The following HIGD1A variants were observed in gnomAD, a reference collection of about 807,000 sequenced individuals.
HIGD1A encodes the protein HIG1 domain family member 1A, mitochondrial.
HIGD1A carries 8 observed loss-of-function variants against 11.3 expected under a neutral mutation model. The observed-to-expected ratio is 0.71, with a 90% CI of 0.42 to 1.28. The LOEUF (loss-of-function observed/expected upper bound fraction) is 1.28. Among genes scored for constraint, HIGD1A ranks in the 50% most tolerant of loss-of-function variants. The pLI is 0.01. For synonymous variants in HIGD1A, 32 were observed against 38.4 expected, an observed-to-expected ratio of 0.83 and a Z score of 0.62; for missense variants, 107 against 118.8, an observed-to-expected ratio of 0.90 and a Z score of 0.46.
In HIGD1A at chr3:42,783,171, A is replaced by T. The variant is rs1246469330; in HGVS notation, c.*2100T>A. Among the ~76,000 whole-genome samples the T allele has an allele frequency of 6.6e-6, 1 of 152,250 alleles. No individual in the cohort carries two copies. Among genetic ancestry groups the T allele is most frequent in the Non-Finnish European group, 1.5e-5 (1 of 68,040 alleles). On this transcript the variant is annotated 3_prime_UTR_variant, in exon 4 of 4. Coordinates refer to ENST00000321331, the MANE Select transcript of HIGD1A (RefSeq NM_014056.4). ...AATGTGAGGATGACAACAGAATGTA[A>T]ATATTATATGTCCTCACAAGGTAGG...
rs1700319355 is a variant in HIGD1A at position 42,784,167 on chromosome 3, AT to A, written c.*1103del. ...AATAAAACATACCATAAAGTAAAATATTTTTAAAATCGTTGAAACAGAAAGG... is the reference window on the plus strand; with the variant it reads ...AATAAAACATACCATAAAGTAAAATATTTTAAAATCGTTGAAACAGAAAGG... On this transcript the variant is annotated 3_prime_UTR_variant, in exon 4 of 4. Transcript: ENST00000321331. 6.6e-6 allele frequency: 1 copy of A among 152,152 alleles called. No individual in the cohort carries two copies. The highest frequency in any genetic ancestry group is 2.4e-5 in the African/African-American group (1 of 41,474). The allele number at this position is 152,152 out of a possible 1,614,324, so 9.4% of individuals were successfully genotyped here. A position where few individuals can be genotyped will look rare whatever the true frequency, so the allele number is the denominator to read the frequency against.
In HIGD1A at chr3:42,786,075, T is replaced by C. The variant is rs1575356805; in HGVS notation, c.185A>G (p.His62Arg). The C allele has an allele frequency of 1.2e-6, 2 of 1,613,448 alleles. No homozygotes were observed. The highest frequency in any genetic ancestry group is 1.7e-6 in the Non-Finnish European group (2 of 1,179,964). Reference sequence around the variant, plus strand: ...AAAGCCTTGGGCTGCCACACGCATGTGGATCAGATGAATGGACATTTTAGT... The same window carrying C: ...AAAGCCTTGGGCTGCCACACGCATGCGGATCAGATGAATGGACATTTTAGT... ...GNTKMSIHLI[H>R]MRVAAQGFVV... Residue 62 changes from histidine to arginine, a missense_variant, in exon 3 of 4, where the codon CAC becomes CGC. Coordinates refer to ENST00000321331, the MANE Select transcript of HIGD1A (RefSeq NM_014056.4).
chr3:42,800,120 G>C (rs1319269978), intron 1 of HIGD1A, among the ~76,000 whole-genome samples: 2 of 151,976 alleles, frequency 1.3e-5, no homozygotes, highest in African/African-American at 4.8e-5. Flanking sequence ...GAGGTCAGGA[G>C]TTCGAAACCA....
chr3:42,784,075 CAAAA>C lies in HIGD1A; in HGVS notation c.*1192_*1195del, dbSNP rs5848628. The stretch of plus-strand genomic sequence containing the variant: ...AAGATGACAGAGAATAACTCCGTCT[CAAAA>C]AAAAAAAAAAAAAATTTATATGGAT... On this transcript the variant is annotated 3_prime_UTR_variant, in exon 4 of 4. Transcript: ENST00000321331. Among the ~76,000 whole-genome samples, 2 of 100,146 alleles carry C rather than the reference CAAAA, an allele frequency of 2.0e-5. No individual in the cohort carries two copies. Among genetic ancestry groups the C allele is most frequent in the Admixed American group, 9.6e-5 (1 of 10,404 alleles). The allele number at this position is 100,146 out of a possible 152,430, so 65.7% of individuals were successfully genotyped here. A position where few individuals can be genotyped will look rare whatever the true frequency, so the allele number is the denominator to read the frequency against.
rs1028289096 is a variant in HIGD1A, at chr3:42,784,497, A to G, written c.*774T>C. The stretch of plus-strand genomic sequence containing the variant: ...CATTATAGGTAATTTGTTCAGTTCA[A>G]TGTTTACAATTCTTATGGAAAAAAT... On this transcript the variant is annotated 3_prime_UTR_variant, in exon 4 of 4. Transcript: ENST00000321331. The G allele has an allele frequency of 1.3e-5, 2 of 152,658 alleles. No individual in the cohort carries two copies. 9.5% of individuals were successfully genotyped at this position (152,658 alleles called of 1,614,324 possible).
intron 2 of HIGD1A, among the ~76,000 whole-genome samples, chr3:42,788,619 C>T (rs188298401): frequency 1.8e-4 from 28 of 152,186 alleles, no homozygotes; most frequent in Admixed American, 1.6e-3. Flanking sequence ...CAGTGGCTCA[C>T]ACCTGTAATC....
intron 2 of HIGD1A, among the ~76,000 whole-genome samples, chr3:42,787,612 TA>T (rs1249988633): frequency 7.2e-6 from 1 of 138,184 alleles, no homozygotes; most frequent in African/African-American, 2.7e-5. Flanking sequence ...TATATATATA[TA>T]TATATATAAA....
At chr3:42,803,500 C>A (rs1383319956) in intron 1 of HIGD1A, among the ~76,000 whole-genome samples, 1 of 152,214 alleles carries the variant, frequency 6.6e-6, no homozygotes, top group African/African-American at 2.4e-5. Context: ...GACTCTGGTG[C>A]ACAAAGAGAA....
chr3:42,804,419 C>T lies in HIGD1A; in HGVS notation c.-23+17G>A, dbSNP rs1700609804. The T allele has an allele frequency of 2.0e-6, 1 of 502,610 alleles. No individual in the cohort carries two copies. Among genetic ancestry groups the T allele is most frequent in the Non-Finnish European group, 3.5e-6 (1 of 283,800 alleles). The allele number at this position is 502,610 out of a possible 1,614,324, so 31.1% of individuals were successfully genotyped here. On this transcript the variant is annotated intron_variant, in intron 1 of 3. Coordinates refer to ENST00000321331, the MANE Select transcript of HIGD1A (RefSeq NM_014056.4). ...CCCGAGTCCCTGGCTCGCAGTCCCC[C>T]GGCTTGTTTCGCTTACCTAGAGCGA... is the stretch of plus-strand genomic sequence containing the variant.
intron 1 of HIGD1A, 48 bp downstream of exon 1, chr3:42,804,388 C>A (rs750369007): frequency 1.9e-6 from 1 of 536,548 alleles, no homozygotes; most frequent in Non-Finnish European, 3.3e-6. Context: ...TCTTCCCGCC[C>A]CGCGGCCCGA....
Position 42,804,476 on chromosome 3 carries a change from T to C in HIGD1A, c.-63A>G. 2.2e-6 allele frequency: 1 copy of C among 460,184 alleles called. No homozygotes were observed. Among genetic ancestry groups the C allele is most frequent in the Non-Finnish European group, 3.9e-6 (1 of 259,066 alleles). The allele number at this position is 460,184 out of a possible 1,614,324, so 28.5% of individuals were successfully genotyped here. A position where few individuals can be genotyped will look rare whatever the true frequency, so the allele number is the denominator to read the frequency against. On this transcript the variant is annotated 5_prime_UTR_variant, in exon 1 of 4. Transcript: ENST00000321331. ...CTCTCACACCCCAACCGGCTTCCGA[T>C]CCCTGCAGGCGCACCCAGTCCTCCC... is the stretch of plus-strand genomic sequence containing the variant.
At chr3:42,803,445 G>C (rs1700595055) in intron 1 of HIGD1A, among the ~76,000 whole-genome samples, 1 of 152,214 alleles carries the variant, frequency 6.6e-6, no homozygotes, top group African/African-American at 2.4e-5. Flanking sequence ...GGATTCAGGT[G>C]GTCTGGGGCA....
Position 42,785,041 on chromosome 3 carries a change from T to G in HIGD1A, c.*230A>C. Reference sequence around the variant, plus strand: ...CACCATCAAGTGCATTTAGGTGACATGTTTAAGTTAACTTGACTTCCTTGA... The same window carrying G: ...CACCATCAAGTGCATTTAGGTGACAGGTTTAAGTTAACTTGACTTCCTTGA... On this transcript the variant is annotated 3_prime_UTR_variant, in exon 4 of 4. Coordinates refer to ENST00000321331, the MANE Select transcript of HIGD1A (RefSeq NM_014056.4). 4.4e-6 allele frequency: 2 copies of G among 450,296 alleles called. No homozygotes were observed. The allele number at this position is 450,296 out of a possible 1,614,324, so 27.9% of individuals were successfully genotyped here. A position where few individuals can be genotyped will look rare whatever the true frequency, so the allele number is the denominator to read the frequency against.
At chr3:42,785,666 A>C (rs896424393) in intron 3 of HIGD1A, among the ~76,000 whole-genome samples, 2 of 152,214 alleles carry the variant, frequency 1.3e-5, no homozygotes, top group Non-Finnish European at 1.5e-5. Flanking sequence ...CCAATAGAAG[A>C]AGCATGTAAT....
intron 2 of HIGD1A, among the ~76,000 whole-genome samples, 160 bp from the exon 3 acceptor site, chr3:42,786,322 C>G (rs920515000): frequency 6.6e-6 from 1 of 152,026 alleles, no homozygotes; most frequent in African/African-American, 2.4e-5. Flanking sequence ...CCTATCAAAA[C>G]CAAAAATCTT....
intron 2 of HIGD1A, among the ~76,000 whole-genome samples, chr3:42,792,071 A>G (rs1472336124): frequency 6.6e-6 from 1 of 152,222 alleles, no homozygotes; most frequent in Non-Finnish European, 1.5e-5. Context: ...AGTTTATGGT[A>G]GTACACAGAG....
At chr3:42,798,470 C>T (rs1427193219) in intron 1 of HIGD1A, among the ~76,000 whole-genome samples, 1 of 1,282 alleles carries the variant, frequency 7.8e-4, no homozygotes, top group Non-Finnish European at 0.017. Context: ...CCAGCCGCCC[C>T]GTCCGGGAGG....
In HIGD1A at chr3:42,784,621, T is replaced by C. The variant is rs552932510; in HGVS notation, c.*650A>G. On this transcript the variant is annotated 3_prime_UTR_variant, in exon 4 of 4. Transcript: ENST00000321331. ...ATGACATTTAAAAATTATTCTAATA[T>C]ATCAGCAGCAAAAATATAATTTGCA... 3.3e-5 allele frequency: 5 copies of C among 152,738 alleles called. No individual in the cohort carries two copies. Among genetic ancestry groups the C allele is most frequent in the African/African-American group, 1.2e-4 (5 of 41,572 alleles). The allele number at this position is 152,738 out of a possible 1,614,324, so 9.5% of individuals were successfully genotyped here.
Position 42,785,101 on chromosome 3 carries a change from G to A in HIGD1A, c.*170C>T, listed in dbSNP as rs559786212. On this transcript the variant is annotated 3_prime_UTR_variant, in exon 4 of 4. Coordinates refer to ENST00000321331, the MANE Select transcript of HIGD1A (RefSeq NM_014056.4). Reference sequence around the variant, plus strand: ...TTAGTAAACTAGTCACTAGTAATTCGGTCACCAAGCAAATCAAGCCTGCAA... The same window carrying A: ...TTAGTAAACTAGTCACTAGTAATTCAGTCACCAAGCAAATCAAGCCTGCAA... 79 of 529,976 alleles carry A rather than the reference G, an allele frequency of 1.5e-4. No individual in the cohort carries two copies. Among genetic ancestry groups the A allele is most frequent in the East Asian group, 9.8e-4 (33 of 33,530 alleles). The allele number at this position is 529,976 out of a possible 1,614,324, so 32.8% of individuals were successfully genotyped here.
Sources: allele counts gnomAD v4.1 joint callset (sites outside exome capture counted in the v4.1 genomes callset), GRCh38; gene constraint gnomAD v4.1.1; transcripts MANE v1.5; gene names NCBI Gene and HGNC (gene_info 2026-07-23, HGNC 2026-07-21).